The following AP3D1 variants were observed in gnomAD, a reference collection of about 807,000 sequenced individuals.
AP3D1 encodes AP-3 complex subunit delta-1.
Under a neutral mutation model 147.6 loss-of-function variants are expected in AP3D1, and 51 were observed. That is an observed-to-expected ratio of 0.35 (90% CI 0.28 to 0.44). The LOEUF is 0.44. Among genes scored for constraint, AP3D1 ranks in the 20% least tolerant of loss-of-function variants. The pLI is 1.00. For missense variants in AP3D1, 1,421 were observed against 1,624.2 expected, an observed-to-expected ratio of 0.87 and a Z score of 2.15; for synonymous variants, 760 against 663.0, an observed-to-expected ratio of 1.15 and a Z score of -2.25.
At position 2,110,120 on chromosome 19, in the gene AP3D1, G is replaced by C; in HGVS notation, c.3264+16C>G. On this transcript the variant is annotated intron_variant, in intron 28 of 31. Transcript: ENST00000643116. ...TGCAGAGTCGGCTCTTCAACGCCAA[G>C]TGGAGCCCTGCATACCTTGGCAATG... The C allele has an allele frequency of 1.2e-6, 2 of 1,611,224 alleles. No individual in the cohort carries two copies. Among genetic ancestry groups the C allele is most frequent in the Non-Finnish European group, 1.7e-6 (2 of 1,178,398 alleles).
intron 31 of AP3D1, among the ~76,000 whole-genome samples, 181 bp from the exon 32 acceptor site, chr19:2,102,449 C>G (rs994292707): frequency 3.9e-5 from 6 of 152,026 alleles, no homozygotes; most frequent in African/African-American, 1.4e-4. Flanking sequence ...CAAAAAATGG[C>G]CGGGTGCGGT....
In AP3D1 at chr19:2,156,740, T is replaced by A. The variant is rs60855766; in HGVS notation, c.-103+7616A>T. Among the ~76,000 whole-genome samples, 908 of 152,114 alleles carry A rather than the reference T, an allele frequency of 6.0e-3. 7 individuals carry two copies. Among genetic ancestry groups the A allele is most frequent in the African/African-American group, 0.02 (848 of 41,466 alleles). On this transcript the variant is annotated intron_variant, in intron 1 of 14. Coordinates refer to the AP3D1 transcript ENST00000643010. ...GGCGGGTGCCTGTAATCCCAGTTACTCGGGAGGCTGAGGCAGGAGAATCGC... is the reference window on the plus strand; with the variant it reads ...GGCGGGTGCCTGTAATCCCAGTTACACGGGAGGCTGAGGCAGGAGAATCGC...
At chr19:2,129,800 G>A (rs1035766029) in intron 6 of AP3D1, among the ~76,000 whole-genome samples, 1 of 152,244 alleles carries the variant, frequency 6.6e-6, no homozygotes, top group African/African-American at 2.4e-5. Context: ...AGCCATCGGG[G>A]CTCAGGGAGT....
upstream of AP3D1, among the ~76,000 whole-genome samples, chr19:2,151,717 C>G (rs536482031): frequency 5.8e-4 from 89 of 152,264 alleles, no homozygotes; most frequent in Non-Finnish European, 1.0e-3. Flanking sequence ...GCACCTCTTT[C>G]TCCTGCGCGC....
At chr19:2,123,459 T>C in intron 10 of AP3D1, 53 bp from the exon 11 acceptor site, 2 of 1,587,080 alleles carry the variant, frequency 1.3e-6, no homozygotes, top group Non-Finnish European at 1.7e-6. Context: ...CAAGGGTGAG[T>C]CCCACAGGTA....
upstream of AP3D1, among the ~76,000 whole-genome samples, chr19:2,152,499 C>T (rs1473691035): frequency 6.6e-6 from 1 of 151,338 alleles, no homozygotes; most frequent in Non-Finnish European, 1.5e-5. Context: ...GCCGAGATGG[C>T]GCCACTGCAC....
intron 3 of AP3D1, 129 bp from the exon 4 acceptor site, chr19:2,137,220 G>A: frequency 1.3e-6 from 1 of 767,664 alleles, no homozygotes; most frequent in Admixed American, 2.3e-5. Context: ...TGGACGCTGG[G>A]GCCACCAGCA....
chr19:2,109,454 C>A, intron 29 of AP3D1: 1 of 527,958 alleles, frequency 1.9e-6, no homozygotes, highest in Non-Finnish European at 3.3e-6. Context: ...GATGGGCCCT[C>A]CTCCGACAAG....
chr19:2,131,271 G>C (rs1033391148), intron 5 of AP3D1, among the ~76,000 whole-genome samples: 3 of 152,232 alleles, frequency 2.0e-5, no homozygotes, highest in African/African-American at 7.2e-5. Context: ...ACACCTCCAG[G>C]TGGACAGGCA....
At chr19:2,138,253 A>G (rs2019129118) in intron 2 of AP3D1, among the ~76,000 whole-genome samples, 1 of 152,142 alleles carries the variant, frequency 6.6e-6, no homozygotes, top group East Asian at 1.9e-4. Context: ...CCAGGAAAGG[A>G]GCCAGCCCTG....
intron 2 of AP3D1, among the ~76,000 whole-genome samples, chr19:2,138,191 G>T (rs1023174149): frequency 6.6e-6 from 1 of 152,228 alleles, no homozygotes; most frequent in South Asian, 2.1e-4. Flanking sequence ...GGGGAAACGG[G>T]CCAGAGGGAG....
chr19:2,147,636 C>T (rs182624466), intron 1 of AP3D1, among the ~76,000 whole-genome samples: 7 of 152,002 alleles, frequency 4.6e-5, no homozygotes, highest in South Asian at 2.1e-4. Context: ...GTGGCTCACC[C>T]TGTAATCCCA....
At chr19:2,141,857 A>G (rs1434840055) in intron 1 of AP3D1, among the ~76,000 whole-genome samples, 3 of 151,544 alleles carry the variant, frequency 2.0e-5, no homozygotes, top group Non-Finnish European at 4.4e-5. Flanking sequence ...CTCCCACCTC[A>G]GTATTTGGGA....
At chr19:2,129,503 G>C (rs1302720493) in intron 6 of AP3D1, 46 bp from the exon 7 acceptor site, 1 of 1,590,074 alleles carries the variant, frequency 6.3e-7, no homozygotes, top group Admixed American at 1.8e-5. Context: ...CTTCCACCTA[G>C]AAAACCATCC....
intron 18 of AP3D1, among the ~76,000 whole-genome samples, chr19:2,115,867 T>G (rs2145043689): frequency 6.6e-6 from 1 of 152,360 alleles, no homozygotes; most frequent in Non-Finnish European, 1.5e-5. Context: ...AAATCCTCGT[T>G]CACTTTTTTT....
intron 14 of AP3D1, among the ~76,000 whole-genome samples, chr19:2,119,674 A>T (rs1306731628): frequency 7.3e-6 from 1 of 136,232 alleles, no homozygotes; most frequent in Non-Finnish European, 1.6e-5. Flanking sequence ...CCAGCCTGGA[A>T]AACAGATAGA....
At chr19:2,130,024 C>G (rs2018892177) in intron 6 of AP3D1, among the ~76,000 whole-genome samples, 1 of 152,228 alleles carries the variant, frequency 6.6e-6, no homozygotes, top group South Asian at 2.1e-4. Flanking sequence ...GTCCCGCAGT[C>G]ACCACACCAC....
intron 20 of AP3D1, 66 bp downstream of exon 20, chr19:2,115,153 T>C (rs1461096592): frequency 3.9e-6 from 6 of 1,519,638 alleles, no homozygotes; most frequent in Non-Finnish European, 4.5e-6. Context: ...CCACTGTGCA[T>C]GGCCCCAGGA....
Position 2,151,488 on chromosome 19 carries a change from G to A in AP3D1, c.-154C>T. Reference sequence around the variant, plus strand: ...AGGGCGGCGGCGGGGTCCAAGGACCGCGGCAGAGGCGGCGACCCGCTCGGC... The same window carrying A: ...AGGGCGGCGGCGGGGTCCAAGGACCACGGCAGAGGCGGCGACCCGCTCGGC... On this transcript the variant is annotated 5_prime_UTR_variant, in exon 1 of 32. Transcript: ENST00000643116. 4.3e-6 allele frequency: 1 copy of A among 230,012 alleles called. No homozygotes were observed. The highest frequency in any genetic ancestry group is 7.3e-6 in the Non-Finnish European group (1 of 137,040). 14.2% of individuals were successfully genotyped at this position (230,012 alleles called of 1,614,324 possible).
Sources: allele counts gnomAD v4.1 joint callset (sites outside exome capture counted in the v4.1 genomes callset), GRCh38; gene constraint gnomAD v4.1.1; transcripts MANE v1.5; gene names NCBI Gene and HGNC (gene_info 2026-07-23, HGNC 2026-07-21).